The following RNF216 variants were observed in gnomAD, a reference collection of about 807,000 sequenced individuals.
RNF216 encodes E3 ubiquitin-protein ligase RNF216.
In RNF216, 72 loss-of-function variants were observed where a neutral mutation model predicts 110.8. The ratio of observed to expected loss-of-function variants is 0.65; its 90% CI spans 0.54 to 0.79. The LOEUF (loss-of-function observed/expected upper bound fraction) is 0.79. Ranked by LOEUF, RNF216 falls within the 30% of genes least tolerant of loss-of-function variation. The probability of loss-of-function intolerance (pLI) is 0.00; values close to 1 mark genes in which losing one functional copy is unlikely to be tolerated. For missense variants in RNF216, 1,342 were observed against 1,141.2 expected, an observed-to-expected ratio of 1.18 and a Z score of -2.54; for synonymous variants, 495 against 407.5, an observed-to-expected ratio of 1.21 and a Z score of -2.59.
At chr7:5,775,147 C>T (rs2128684119) in intron 1 of RNF216, 1 of 152,258 alleles carries the variant, frequency 6.6e-6, no homozygotes, top group Non-Finnish European at 1.5e-5. Context: ...TGTTATTCAC[C>T]ATGGCCATAG....
At chr7:5,631,022 T>G (rs1211029429) in intron 15 of RNF216, among the ~76,000 whole-genome samples, 1 of 152,124 alleles carries the variant, frequency 6.6e-6, no homozygotes, top group African/African-American at 2.4e-5. Context: ...GCAACTGTTC[T>G]AAGGTGTGCT....
rs1483189382 is a variant in RNF216 at position 5,696,971 on chromosome 7, T to A, written c.2061+14790A>T. ...GCAGCATGTGATCCCACTGTGTCCC[T>A]CCATTACGCCAGCAACAGCTCCAGG... On this transcript the variant is annotated intron_variant, in intron 13 of 16. Coordinates refer to ENST00000389902, the MANE Select transcript of RNF216 (RefSeq NM_207111.4). The surrounding 1 kb of genome is among the most constrained non-coding windows in gnomAD (Gnocchi z 5.4). 2.0e-5 allele frequency among the ~76,000 whole-genome samples: 3 copies of A among 152,102 alleles called. No homozygotes were observed. Among genetic ancestry groups the A allele is most frequent in the African/African-American group, 7.2e-5 (3 of 41,398 alleles).
chr7:5,709,501 T>C (rs1387963452), intron 13 of RNF216, among the ~76,000 whole-genome samples: 1 of 152,226 alleles, frequency 6.6e-6, no homozygotes, highest in African/African-American at 2.4e-5. Context: ...ATCTTGACAC[T>C]ACCCCACACC....
intron 15 of RNF216, among the ~76,000 whole-genome samples, chr7:5,627,546 G>C (rs1422895145): frequency 6.6e-6 from 1 of 152,144 alleles, no homozygotes; most frequent in Non-Finnish European, 1.5e-5. Context: ...AGGAGATAGA[G>C]ATCATCCTGG....
chr7:5,739,397 G>A (rs1338188062), intron 4 of RNF216, 45 bp from the exon 5 acceptor site: 1 of 1,555,622 alleles, frequency 6.4e-7, no homozygotes. Context: ...TCACTAGAAT[G>A]GTTTCAAATG....
At chr7:5,710,265 C>CA (rs1299911683) in intron 13 of RNF216, among the ~76,000 whole-genome samples, 6 of 151,856 alleles carry the variant, frequency 4.0e-5, no homozygotes. Flanking sequence ...GAGGCTGAGG[C>CA]AGGAGAACTG....
In RNF216 at chr7:5,624,325, A is replaced by G. The variant is rs1002969843; in HGVS notation, c.2383-200T>C. Among the ~76,000 whole-genome samples, 9 of 152,294 alleles carry G rather than the reference A, an allele frequency of 5.9e-5. No homozygotes were observed. Among genetic ancestry groups the G allele is most frequent in the African/African-American group, 2.2e-4 (9 of 41,570 alleles). On this transcript the variant is annotated intron_variant, in intron 15 of 16. Coordinates refer to ENST00000389902, the MANE Select transcript of RNF216 (RefSeq NM_207111.4). The surrounding 1 kb of genome is among the most constrained non-coding windows in gnomAD (Gnocchi z 4.4). ...TCCTTCATCAGCCTGATGGCGTTCC[A>G]CAAGGAGGCCATCCACAAGGCTGGG...
At chr7:5,693,185 T>C (rs1791436843) in intron 13 of RNF216, among the ~76,000 whole-genome samples, 1 of 152,248 alleles carries the variant, frequency 6.6e-6, no homozygotes, top group South Asian at 2.1e-4. Context: ...ATAATTATAC[T>C]GGGACACAGC....
intron 13 of RNF216, among the ~76,000 whole-genome samples, chr7:5,672,885 G>A (rs1274130851): frequency 6.6e-6 from 1 of 152,194 alleles, no homozygotes; most frequent in Non-Finnish European, 1.5e-5. Context: ...TAATGCTGAG[G>A]AGCCCTACTG....
rs73339928 is a variant in RNF216 at position 5,679,845 on chromosome 7, A to C, written c.2062-27335T>G. ...GCAGGAGAGACTATCATGCTCCTCCAGGTCCCTCACCCGCCTTTCTGCTAA... is the reference window on the plus strand; with the variant it reads ...GCAGGAGAGACTATCATGCTCCTCCCGGTCCCTCACCCGCCTTTCTGCTAA... On this transcript the variant is annotated intron_variant, in intron 13 of 16. Coordinates refer to ENST00000389902, the MANE Select transcript of RNF216 (RefSeq NM_207111.4). Among the ~76,000 whole-genome samples the C allele has an allele frequency of 5.9e-3, 904 of 152,278 alleles. 10 individuals are homozygous for C. Among genetic ancestry groups the C allele is most frequent in the African/African-American group, 0.021 (857 of 41,552 alleles).
At chr7:5,664,455 A>T (rs575581412) in intron 13 of RNF216, among the ~76,000 whole-genome samples, 1 of 152,336 alleles carries the variant, frequency 6.6e-6, no homozygotes, top group East Asian at 1.9e-4. Context: ...AAAGTACTGC[A>T]TATGTTTCAA....
At chr7:5,759,633 C>CTTCTTCTT (rs59390560) in intron 2 of RNF216, among the ~76,000 whole-genome samples, 19 of 131,156 alleles carry the variant, frequency 1.4e-4, no homozygotes, top group South Asian at 4.6e-4. Context: ...CATTTTTCTT[C>CTTCTTCTT]TTTTTTTTTT....
intron 13 of RNF216, among the ~76,000 whole-genome samples, chr7:5,659,564 G>T (rs1788970343): frequency 6.6e-6 from 1 of 152,194 alleles, no homozygotes; most frequent in African/African-American, 2.4e-5. Context: ...TGACCAGGTG[G>T]GAAATGCAAG....
chr7:5,721,363 G>A (rs1302359230), intron 8 of RNF216, among the ~76,000 whole-genome samples, 191 bp from the exon 9 acceptor site: 1 of 152,008 alleles, frequency 6.6e-6, no homozygotes, highest in Non-Finnish European at 1.5e-5. Flanking sequence ...TCCATTTTTT[G>A]ACCTTTCTGA....
At chr7:5,662,125 A>G (rs574659097) in intron 13 of RNF216, among the ~76,000 whole-genome samples, 1 of 152,302 alleles carries the variant, frequency 6.6e-6, no homozygotes, top group African/African-American at 2.4e-5. Flanking sequence ...GCTGTGCAGG[A>G]TGTCTGCTTC....
chr7:5,689,580 A>G (rs939329909), intron 13 of RNF216, among the ~76,000 whole-genome samples: 4 of 152,198 alleles, frequency 2.6e-5, no homozygotes, highest in African/African-American at 9.7e-5. Flanking sequence ...ACAAGTTTTT[A>G]AAGCATAAGA....
intron 1 of RNF216, among the ~76,000 whole-genome samples, chr7:5,779,102 A>T (rs566149043): frequency 3.9e-5 from 6 of 152,370 alleles, no homozygotes; most frequent in Non-Finnish European, 8.8e-5. Flanking sequence ...ATGAGAATGA[A>T]TTATGTCTCT....
intron 8 of RNF216, 50 bp from the exon 9 acceptor site, chr7:5,721,222 A>G (rs1401977167): frequency 2.6e-6 from 4 of 1,560,204 alleles, no homozygotes; most frequent in Admixed American, 3.4e-5. Flanking sequence ...ATGTGTTAGG[A>G]ACCTGGGCCA....
intron 14 of RNF216, among the ~76,000 whole-genome samples, chr7:5,650,317 T>C (rs1290668921): frequency 1.3e-5 from 2 of 152,142 alleles, no homozygotes; most frequent in African/African-American, 4.8e-5. Context: ...TAGGACCCAG[T>C]GGTGGGCTAT....
Sources: allele counts gnomAD v4.1 joint callset (sites outside exome capture counted in the v4.1 genomes callset), GRCh38; gene constraint gnomAD v4.1.1; non-coding constraint Gnocchi (gnomAD v3.1); transcripts MANE v1.5; gene names NCBI Gene and HGNC (gene_info 2026-07-23, HGNC 2026-07-21).